Variants in PRIM2 observed in about 807,000 individuals in gnomAD.
The protein encoded by PRIM2 is DNA primase subunit 2.
A neutral mutation model predicts 67.3 loss-of-function variants in PRIM2; 39 were observed. The observed-to-expected ratio is 0.58, with a 90% CI of 0.45 to 0.76. The LOEUF (loss-of-function observed/expected upper bound fraction) is 0.76, where lower values mean the gene tolerates loss of function less well. Among genes scored for constraint, PRIM2 ranks in the 30% least tolerant of loss-of-function variants. The pLI is 0.00. For synonymous variants in PRIM2, 143 were observed against 198.7 expected (o/e 0.72, Z 2.36); for missense variants, 398 against 598.7 (o/e 0.66, Z 3.50).
At chr6:57,336,297 C>G (rs1286331539) in intron 5 of PRIM2, among the ~76,000 whole-genome samples, 5 of 151,690 alleles carry the variant, frequency 3.3e-5, no homozygotes, top group African/African-American at 1.2e-4. Context: ...AGGATATTAT[C>G]CAGGAGAACT....
At chr6:57,458,583 G>T (rs1374024916) in intron 7 of PRIM2, among the ~76,000 whole-genome samples, 1 of 152,186 alleles carries the variant, frequency 6.6e-6, no homozygotes, top group Non-Finnish European at 1.5e-5. Flanking sequence ...TACTCTGGAG[G>T]CTGAGGAAGG....
the PRIM2 span, among the ~76,000 whole-genome samples, chr6:57,288,480 A>G: frequency 1.3e-5 from 2 of 152,206 alleles, no homozygotes; most frequent in Non-Finnish European, 2.9e-5. Flanking sequence ...GAGAATGGAC[A>G]GACTGCCTCC....
intron 5 of PRIM2, among the ~76,000 whole-genome samples, chr6:57,337,518 C>T (rs1248248512): frequency 6.6e-6 from 1 of 151,784 alleles, no homozygotes; most frequent in Non-Finnish European, 1.5e-5. Flanking sequence ...ATCTCTCAGA[C>T]CACAGTGCAA....
At chr6:57,572,812 T>G (rs1775886699) in intron 10 of PRIM2, among the ~76,000 whole-genome samples, 1 of 152,206 alleles carries the variant, frequency 6.6e-6, no homozygotes, top group Non-Finnish European at 1.5e-5. Context: ...GGTGAATTAT[T>G]TGGTATTATA....
At chr6:57,475,653 C>T (rs1198921772) in intron 7 of PRIM2, among the ~76,000 whole-genome samples, 2 of 152,296 alleles carry the variant, frequency 1.3e-5, no homozygotes, top group African/African-American at 2.4e-5. Flanking sequence ...CCACAGCCAA[C>T]GTCCTGCCCC....
intron 5 of PRIM2, among the ~76,000 whole-genome samples, chr6:57,376,968 C>T (rs1285550585): frequency 6.6e-6 from 1 of 152,126 alleles, no homozygotes; most frequent in African/African-American, 2.4e-5. Context: ...CCTCCACCTT[C>T]CAGGTTCAAG....
chr6:57,565,759 T>TA (rs1775723828), intron 10 of PRIM2, among the ~76,000 whole-genome samples: 1 of 152,136 alleles, frequency 6.6e-6, no homozygotes, highest in South Asian at 2.1e-4. Context: ...CATGTGAAAT[T>TA]AACCATCACA....
At chr6:57,506,325 A>G (rs1395221032) in intron 7 of PRIM2, among the ~76,000 whole-genome samples, 2 of 152,076 alleles carry the variant, frequency 1.3e-5, no homozygotes, top group Non-Finnish European at 2.9e-5. Context: ...AATATAAAAG[A>G]TATTTTTAGA....
At chr6:57,394,769 C>A (rs1050761454) in intron 7 of PRIM2, among the ~76,000 whole-genome samples, 3 of 152,088 alleles carry the variant, frequency 2.0e-5, no homozygotes, top group Non-Finnish European at 2.9e-5. Context: ...TTCAACTTTA[C>A]CCCATTCAGT....
chr6:57,642,386 A>G (rs1176548455), intron 13 of PRIM2, among the ~76,000 whole-genome samples: 4 of 151,064 alleles, frequency 2.6e-5, no homozygotes, highest in Non-Finnish European at 5.9e-5. Flanking sequence ...AAAAATATTA[A>G]TTAAAATGAG....
At chr6:57,642,433 A>ATTTTTT (rs1777256008) in intron 13 of PRIM2, among the ~76,000 whole-genome samples, 1 of 107,060 alleles carries the variant, frequency 9.3e-6, no homozygotes, top group Non-Finnish European at 1.8e-5. Flanking sequence ...TAAATATTAT[A>ATTTTTT]TCTTTTTTTT....
intron 13 of PRIM2, among the ~76,000 whole-genome samples, chr6:57,639,547 C>T (rs1332215979): frequency 6.0e-5 from 9 of 149,546 alleles, no homozygotes; most frequent in African/African-American, 9.9e-5. Context: ...CAAATAGATG[C>T]AATAAAAAAT....
At chr6:57,514,414 A>G (rs1485038308) in intron 8 of PRIM2, among the ~76,000 whole-genome samples, 268 of 152,210 alleles carry the variant, frequency 1.8e-3, no homozygotes, top group African/African-American at 6.1e-3. Context: ...TAGGGGCTTC[A>G]TCAGTTGAGG....
chr6:57,581,336 G>A (rs1332626267), intron 10 of PRIM2, among the ~76,000 whole-genome samples: 1 of 152,120 alleles, frequency 6.6e-6, no homozygotes, highest in Admixed American at 6.6e-5. Context: ...AGACTAAATT[G>A]ACCACCTTTT....
intron 7 of PRIM2, among the ~76,000 whole-genome samples, chr6:57,475,816 A>G (rs1773464431): frequency 6.6e-6 from 1 of 152,242 alleles, no homozygotes; most frequent in African/African-American, 2.4e-5. Flanking sequence ...GTTAGGTTTT[A>G]TGATATATAC....
At chr6:57,547,597 C>T (rs1234631088) in intron 10 of PRIM2, among the ~76,000 whole-genome samples, 1 of 152,150 alleles carries the variant, frequency 6.6e-6, no homozygotes, top group African/African-American at 2.4e-5. Flanking sequence ...GATAATTCTT[C>T]TAATAAATTC....
chr6:57,390,865 A>G (rs1309055519), intron 7 of PRIM2, among the ~76,000 whole-genome samples: 1 of 152,142 alleles, frequency 6.6e-6, no homozygotes, highest in Non-Finnish European at 1.5e-5. Context: ...ATATGTCTTG[A>G]TGGTAGAATG....
At chr6:57,296,657 G>A in the PRIM2 span, among the ~76,000 whole-genome samples, 2 of 151,908 alleles carry the variant, frequency 1.3e-5, no homozygotes, top group African/African-American at 2.4e-5. Context: ...GTGGTGGTGT[G>A]TGCGTGTCTG....
intron 7 of PRIM2, among the ~76,000 whole-genome samples, chr6:57,421,942 C>CAGATGAAAG (rs2127372306): frequency 6.6e-6 from 1 of 152,210 alleles, no homozygotes; most frequent in East Asian, 1.9e-4. Context: ...ATACTAGAAC[C>CAGATGAAAG]AGATGAAAGA....
Sources: allele counts gnomAD v4.1 joint callset (sites outside exome capture counted in the v4.1 genomes callset), GRCh38; gene constraint gnomAD v4.1.1; transcripts MANE v1.5; gene names NCBI Gene and HGNC (gene_info 2026-07-23, HGNC 2026-07-21).